ANKFN1: variants seen among roughly 807,000 people sequenced by gnomAD.
ANKFN1 encodes ankyrin repeat and fibronectin type III domain containing 1, also known as ankyrin repeat and fibronectin type-III domain-containing protein 1.
A neutral mutation model predicts 108.7 loss-of-function variants in ANKFN1; 74 were observed. The observed-to-expected ratio is 0.68, with a 90% CI of 0.56 to 0.83. The LOEUF is 0.83. Among genes scored for constraint, ANKFN1 ranks in the 40% least tolerant of loss-of-function variants. ANKFN1 has a pLI of 0.00. For synonymous variants in ANKFN1, 547 were observed against 516.2 expected (o/e 1.06, Z -0.81); for missense variants, 1,505 against 1,382.3 (o/e 1.09, Z -1.41).
In ANKFN1 at chr17:56,449,123, AGT is replaced by A. The variant is rs2049396727; in HGVS notation, c.1146_1147del (p.Ser382ArgfsTer73). 1 of 1,613,504 alleles carries A rather than the reference AGT, an allele frequency of 6.2e-7. No individual in the cohort carries two copies. The highest frequency in any genetic ancestry group is 8.5e-7 in the Non-Finnish European group (1 of 1,179,684). ...DDREPRHKGQ[S>X]EVLEGLLQQV... ...CAGAGAGCCCAGACACAAGGGACAG[AGT>A]GAAGTTTTGGAAGGTCTGCTGCAGC... is the stretch of plus-strand genomic sequence containing the variant. On this transcript the variant is annotated frameshift_variant, in exon 11 of 21. Coordinates refer to ENST00000682825, the MANE Select transcript of ANKFN1 (RefSeq NM_001370326.1). LOFTEE classifies it high-confidence loss of function.
chr17:56,158,035 C>T (rs571716638), intron 1 of ANKFN1, among the ~76,000 whole-genome samples: 13 of 152,286 alleles, frequency 8.5e-5, no homozygotes, highest in South Asian at 2.1e-4. Flanking sequence ...CTAAATAATC[C>T]GCCAGATGCA....
intron 8 of ANKFN1, among the ~76,000 whole-genome samples, chr17:56,437,973 G>GGTGT (rs150040769): frequency 0.082 from 11,662 of 142,144 alleles, 881 homozygotes; most frequent in African/African-American, 0.2. Flanking sequence ...ATCTACTGTA[G>GGTGT]GTGTGTGTGT....
chr17:56,301,213 G>A (rs112017257), intron 3 of ANKFN1, among the ~76,000 whole-genome samples: 1,584 of 152,230 alleles, frequency 0.01, 10 homozygotes, highest in South Asian at 0.034. Flanking sequence ...GGGATATCTG[G>A]AGTTGTTTGA....
intron 9 of ANKFN1, 56 bp downstream of exon 9, chr17:56,440,480 A>G (rs1234073493): frequency 6.9e-7 from 1 of 1,444,486 alleles, no homozygotes; most frequent in Non-Finnish European, 9.7e-7. Context: ...GTGCTGGGAT[A>G]TCAGTAGCAA....
At chr17:56,095,211 T>C (rs1905510544) in intron 4 of ANKFN1, among the ~76,000 whole-genome samples, 3 of 151,006 alleles carry the variant, frequency 2.0e-5, no homozygotes, top group African/African-American at 7.3e-5. Context: ...TTAAGAGCAA[T>C]GTAACTATTT....
At chr17:56,307,622 T>C (rs995826991) in intron 3 of ANKFN1, among the ~76,000 whole-genome samples, 2 of 152,198 alleles carry the variant, frequency 1.3e-5, no homozygotes, top group African/African-American at 4.8e-5. Context: ...ACTTTTACAC[T>C]GTTGGTGGGA....
chr17:56,217,635 G>T (rs887271544), intron 2 of ANKFN1, among the ~76,000 whole-genome samples: 1 of 152,066 alleles, frequency 6.6e-6, no homozygotes, highest in African/African-American at 2.4e-5. Flanking sequence ...AATCAATCAG[G>T]CCCCAAATGT....
chr17:56,049,641 G>A (rs1479949383), intron 4 of ANKFN1, among the ~76,000 whole-genome samples: 1 of 151,040 alleles, frequency 6.6e-6, no homozygotes, highest in African/African-American at 2.5e-5. Context: ...AATATGCAGT[G>A]TTTGGTTTTT....
intron 4 of ANKFN1, among the ~76,000 whole-genome samples, chr17:56,345,528 G>T (rs1356634263): frequency 6.6e-6 from 1 of 152,022 alleles, no homozygotes; most frequent in Admixed American, 6.6e-5. Flanking sequence ...AAGCATTCCT[G>T]TTTCTCCACA....
chr17:56,121,375 C>T (rs766535785), intron 4 of ANKFN1, among the ~76,000 whole-genome samples: 18 of 152,080 alleles, frequency 1.2e-4, no homozygotes, highest in Non-Finnish European at 2.2e-4. Context: ...TAAGAGCACT[C>T]AGCTAGCTTA....
chr17:56,284,958 G>T (rs578114451), intron 3 of ANKFN1, among the ~76,000 whole-genome samples: 1 of 152,234 alleles, frequency 6.6e-6, no homozygotes, highest in South Asian at 2.1e-4. Context: ...ATGTCAGAAA[G>T]AACCTAAATT....
chr17:56,212,841 GT>G (rs201812245), intron 2 of ANKFN1, among the ~76,000 whole-genome samples, 162 bp downstream of exon 2: 1 of 151,870 alleles, frequency 6.6e-6, no homozygotes, highest in African/African-American at 2.4e-5. Context: ...TTTAGCTGGT[GT>G]TTTTTTTGCT....
chr17:56,442,595 A>C (rs1251610672), intron 9 of ANKFN1, among the ~76,000 whole-genome samples: 1 of 152,170 alleles, frequency 6.6e-6, no homozygotes, highest in South Asian at 2.1e-4. Context: ...TGAAAAGAAG[A>C]AAGTGCATAG....
intron 1 of ANKFN1, among the ~76,000 whole-genome samples, chr17:56,196,236 A>G (rs1254029910): frequency 6.6e-6 from 1 of 152,212 alleles, no homozygotes; most frequent in Non-Finnish European, 1.5e-5. Flanking sequence ...AGCTTAGGCA[A>G]CAGAACCCTG....
chr17:56,491,247 A>T (rs370556828), intron 18 of ANKFN1, among the ~76,000 whole-genome samples: 1 of 152,316 alleles, frequency 6.6e-6, no homozygotes, highest in East Asian at 1.9e-4. Context: ...AGCATGGAAC[A>T]CACTGGTACA....
At chr17:56,308,443 C>CT (rs1165621692) in intron 3 of ANKFN1, among the ~76,000 whole-genome samples, 3 of 151,786 alleles carry the variant, frequency 2.0e-5, no homozygotes, top group Admixed American at 6.6e-5. Context: ...TTCTAGTGGT[C>CT]TTTTTGTAGA....
chr17:56,071,028 C>T (rs1905115728), intron 4 of ANKFN1, among the ~76,000 whole-genome samples: 1 of 152,174 alleles, frequency 6.6e-6, no homozygotes, highest in South Asian at 2.1e-4. Context: ...GCCACCGTGC[C>T]TTGTCTCTTT....
At chr17:56,240,873 T>G (rs1438365663) in intron 3 of ANKFN1, among the ~76,000 whole-genome samples, 3 of 151,830 alleles carry the variant, frequency 2.0e-5, no homozygotes, top group Non-Finnish European at 4.4e-5. Context: ...ACTATTTTAT[T>G]TTTATGGTTT....
rs115587405 is a variant in ANKFN1 at position 56,094,801 on chromosome 17, T to C, written c.288+48476T>C. Among the ~76,000 whole-genome samples the C allele has an allele frequency of 6.3e-3, 946 of 150,470 alleles. 30 individuals are homozygous for C. Among genetic ancestry groups the C allele is most frequent in the African/African-American group, 0.022 (887 of 41,012 alleles). ...TCCCAAAGTGTCGGGATTACAGGCA[T>C]GAGCCATAGCGCCCAGCCTGTTTCT... is the stretch of plus-strand genomic sequence containing the variant. On this transcript the variant is annotated intron_variant, in intron 4 of 12. Coordinates refer to the ANKFN1 transcript ENST00000635860.
Sources: allele counts gnomAD v4.1 joint callset (sites outside exome capture counted in the v4.1 genomes callset), GRCh38; gene constraint gnomAD v4.1.1; transcripts MANE v1.5; gene names NCBI Gene and HGNC (gene_info 2026-07-23, HGNC 2026-07-21).